ANKS1B: variants seen among roughly 807,000 people sequenced by gnomAD.
ANKS1B encodes ankyrin repeat and sterile alpha motif domain containing 1B.
Under a neutral mutation model 148.3 loss-of-function variants are expected in ANKS1B, and 36 were observed. The observed-to-expected ratio is 0.24, with a 90% CI of 0.19 to 0.32. ANKS1B has a LOEUF of 0.32. Among genes scored for constraint, ANKS1B ranks in the 10% least tolerant of loss-of-function variants. ANKS1B has a pLI of 1.00. For synonymous variants in ANKS1B, 542 were observed against 560.8 expected (o/e 0.97, Z 0.47); for missense variants, 1,157 against 1,542.6 (o/e 0.75, Z 4.19).
At chr12:99,435,197 C>T (rs1594759180) in intron 11 of ANKS1B, among the ~76,000 whole-genome samples, 2 of 152,078 alleles carry the variant, frequency 1.3e-5, no homozygotes, top group South Asian at 4.1e-4. Flanking sequence ...TCCGGCTTTT[C>T]CCTCCCCTGT....
intron 17 of ANKS1B, among the ~76,000 whole-genome samples, chr12:98,860,400 G>A (rs952379072): frequency 6.6e-6 from 1 of 152,186 alleles, no homozygotes; most frequent in Non-Finnish European, 1.5e-5. Flanking sequence ...AGAGACACAA[G>A]CAGGCCTTGT....
At chr12:99,465,130 C>A (rs2096075054) in intron 10 of ANKS1B, among the ~76,000 whole-genome samples, 1 of 152,118 alleles carries the variant, frequency 6.6e-6, no homozygotes, top group Admixed American at 6.6e-5. Flanking sequence ...AGAGTGGGGG[C>A]CAATATTCAA....
chr12:99,723,261 G>T (rs536517989), intron 8 of ANKS1B, among the ~76,000 whole-genome samples: 1 of 152,312 alleles, frequency 6.6e-6, no homozygotes, highest in East Asian at 1.9e-4. Flanking sequence ...AGCTCCCTGG[G>T]CAGGGGAAGG....
At chr12:99,742,140 A>G (rs2153582244) in intron 8 of ANKS1B, among the ~76,000 whole-genome samples, 1 of 152,148 alleles carries the variant, frequency 6.6e-6, no homozygotes, top group East Asian at 1.9e-4. Flanking sequence ...TCAGGAAAAA[A>G]AAAACTAATG....
intron 9 of ANKS1B, among the ~76,000 whole-genome samples, chr12:99,541,808 T>C (rs2097128854): frequency 6.6e-6 from 1 of 150,990 alleles, no homozygotes; most frequent in East Asian, 2.0e-4. Flanking sequence ...TGAGCCGAGA[T>C]CATGCCACTG....
chr12:99,463,550 G>C (rs1381942800), intron 10 of ANKS1B, among the ~76,000 whole-genome samples: 2 of 152,210 alleles, frequency 1.3e-5, no homozygotes, highest in African/African-American at 4.8e-5. Context: ...AGAAAGGGGT[G>C]ACAGATGGCA....
At chr12:99,285,441 C>T (rs1216825061) in intron 12 of ANKS1B, among the ~76,000 whole-genome samples, 1 of 152,184 alleles carries the variant, frequency 6.6e-6, no homozygotes, top group Non-Finnish European at 1.5e-5. Context: ...AAAACTCATT[C>T]TATCGCCATT....
intron 6 of ANKS1B, among the ~76,000 whole-genome samples, chr12:99,777,786 G>A (rs1181456092): frequency 4.6e-5 from 7 of 151,248 alleles, no homozygotes; most frequent in East Asian, 2.0e-4. Context: ...GGGTTTCACC[G>A]TGTTAGCCGG....
At chr12:99,542,854 C>T (rs972236642) in intron 9 of ANKS1B, among the ~76,000 whole-genome samples, 1 of 151,882 alleles carries the variant, frequency 6.6e-6, no homozygotes, top group Non-Finnish European at 1.5e-5. Flanking sequence ...GAATCAAACG[C>T]CTAAACGAAA....
At chr12:99,169,483 A>ACTAT (rs1387207693) in intron 14 of ANKS1B, among the ~76,000 whole-genome samples, 1 of 152,200 alleles carries the variant, frequency 6.6e-6, no homozygotes, top group East Asian at 1.9e-4. Context: ...AAATGTAATA[A>ACTAT]CTATCTGTTT....
At chr12:99,418,572 C>A (rs2152703529) in intron 11 of ANKS1B, among the ~76,000 whole-genome samples, 1 of 152,228 alleles carries the variant, frequency 6.6e-6, no homozygotes, top group South Asian at 2.1e-4. Flanking sequence ...TCTACGAAGA[C>A]AATCATGTCA....
At chr12:99,482,789 T>C (rs2096432838) in intron 10 of ANKS1B, among the ~76,000 whole-genome samples, 1 of 151,918 alleles carries the variant, frequency 6.6e-6, no homozygotes, top group Non-Finnish European at 1.5e-5. Flanking sequence ...AGGGATTGAG[T>C]TATTGATTTG....
At chr12:99,676,118 C>T (rs2098567081) in intron 8 of ANKS1B, among the ~76,000 whole-genome samples, 1 of 152,084 alleles carries the variant, frequency 6.6e-6, no homozygotes, top group South Asian at 2.1e-4. Flanking sequence ...TCCCCCTTTG[C>T]TTGGCACTTC....
At chr12:98,867,757 G>C (rs1426453670) in intron 17 of ANKS1B, among the ~76,000 whole-genome samples, 1 of 151,876 alleles carries the variant, frequency 6.6e-6, no homozygotes, top group Non-Finnish European at 1.5e-5. Context: ...AGCTACTTGG[G>C]AGGCTGAGGC....
At chr12:99,059,013 AGGC>A (rs2041407100) in intron 16 of ANKS1B, among the ~76,000 whole-genome samples, 1 of 18,060 alleles carries the variant, frequency 5.5e-5, no homozygotes, top group Non-Finnish European at 1.1e-4. Flanking sequence ...CTGGGATTAC[AGGC>A]GTGAGCCACC....
chr12:99,514,502 A>T (rs1420484244), intron 9 of ANKS1B, among the ~76,000 whole-genome samples: 1 of 152,086 alleles, frequency 6.6e-6, no homozygotes, highest in African/African-American at 2.4e-5. Flanking sequence ...TTATTTGCCC[A>T]GATGATTCTC....
At chr12:99,695,075 G>A (rs558072539) in intron 8 of ANKS1B, among the ~76,000 whole-genome samples, 1 of 113,814 alleles carries the variant, frequency 8.8e-6, no homozygotes, top group African/African-American at 2.6e-5. Flanking sequence ...ATCTCAAAGT[G>A]GGGGGGAAAT....
At chr12:99,601,343 A>G (rs1218647664) in intron 9 of ANKS1B, among the ~76,000 whole-genome samples, 1 of 152,078 alleles carries the variant, frequency 6.6e-6, no homozygotes, top group Admixed American at 6.6e-5. Flanking sequence ...TTCATATATG[A>G]GATTTCCTTA....
At chr12:99,735,388 G>C (rs1440891379) in intron 8 of ANKS1B, among the ~76,000 whole-genome samples, 1 of 152,016 alleles carries the variant, frequency 6.6e-6, no homozygotes, top group Non-Finnish European at 1.5e-5. Flanking sequence ...AAGAAAAAAA[G>C]AGAAGTCCAA....
Sources: allele counts gnomAD v4.1 joint callset (sites outside exome capture counted in the v4.1 genomes callset), GRCh38; gene constraint gnomAD v4.1.1; transcripts MANE v1.5; gene names NCBI Gene and HGNC (gene_info 2026-07-23, HGNC 2026-07-21).